LSAMP: variants seen among roughly 807,000 people sequenced by gnomAD.
LSAMP encodes limbic system associated membrane protein, also known as limbic system-associated membrane protein.
Under a neutral mutation model 38.6 loss-of-function variants are expected in LSAMP, and 7 were observed. The ratio of observed to expected loss-of-function variants is 0.18; its 90% CI spans 0.10 to 0.34. The LOEUF (loss-of-function observed/expected upper bound fraction) is 0.34. Among genes scored for constraint, LSAMP ranks in the 10% least tolerant of loss-of-function variants. The probability of loss-of-function intolerance (pLI) is 1.00; values close to 1 mark genes in which losing one functional copy is unlikely to be tolerated. For synonymous variants in LSAMP, 154 were observed against 166.8 expected, an observed-to-expected ratio of 0.92 and a Z score of 0.59; for missense variants, 313 against 420.0, an observed-to-expected ratio of 0.75 and a Z score of 2.23.
At chr3:116,212,386 A>C (rs1210711417) in intron 1 of LSAMP, among the ~76,000 whole-genome samples, 1 of 152,186 alleles carries the variant, frequency 6.6e-6, no homozygotes. Context: ...AGATCAGATT[A>C]AGTGGAAAAG....
At chr3:116,128,345 T>C (rs1173308648) in intron 1 of LSAMP, among the ~76,000 whole-genome samples, 1 of 152,218 alleles carries the variant, frequency 6.6e-6, no homozygotes, top group Admixed American at 6.5e-5. Context: ...ATAGAAGTAG[T>C]AATGGTATCT....
rs73143009 is a variant in LSAMP at position 116,266,173 on chromosome 3, C to A, written c.155+178704G>T. 8.7e-3 allele frequency among the ~76,000 whole-genome samples: 1,332 copies of A among 152,264 alleles called. 12 individuals are homozygous for A. Among genetic ancestry groups the A allele is most frequent in the Non-Finnish European group, 0.015 (993 of 68,028 alleles). ...CTCTTCCCTCCCTTTCTTCCCCACA[C>A]AAGGGGAAACTGCAGAGAAATACTA... On this transcript the variant is annotated intron_variant, in intron 1 of 6. Transcript: ENST00000490035.
chr3:116,229,172 T>A (rs148798636), intron 1 of LSAMP, among the ~76,000 whole-genome samples: 2 of 152,238 alleles, frequency 1.3e-5, no homozygotes, highest in East Asian at 3.9e-4. Context: ...AGTGTTATTC[T>A]ATGAAATTCA....
chr3:116,275,251 C>CTATGT (rs1363365990), intron 1 of LSAMP, among the ~76,000 whole-genome samples: 5 of 151,998 alleles, frequency 3.3e-5, no homozygotes, highest in African/African-American at 1.2e-4. Flanking sequence ...ACAGGTCTCA[C>CTATGT]TATGTTGTCC....
chr3:116,101,912 T>G (rs934914503), intron 1 of LSAMP, among the ~76,000 whole-genome samples: 1 of 152,018 alleles, frequency 6.6e-6, no homozygotes, highest in Non-Finnish European at 1.5e-5. Flanking sequence ...TATTTTTTAA[T>G]CCATACTCAA....
chr3:116,284,096 G>A (rs1022646363), intron 1 of LSAMP, among the ~76,000 whole-genome samples: 1 of 152,150 alleles, frequency 6.6e-6, no homozygotes, highest in Non-Finnish European at 1.5e-5. Flanking sequence ...GTCAGGAGGA[G>A]AAGACCAGGA....
At chr3:115,903,908 C>A (rs576793553) in intron 3 of LSAMP, among the ~76,000 whole-genome samples, 63 of 152,244 alleles carry the variant, frequency 4.1e-4, no homozygotes, top group African/African-American at 1.5e-3. Flanking sequence ...AAAATAAAGT[C>A]TTCCCTCCAA....
At position 116,141,717 on chromosome 3, in the gene LSAMP, A is replaced by G. The variant is rs147228749; in HGVS notation, c.156-55161T>C. The stretch of plus-strand genomic sequence containing the variant: ...AGAAATCACACTATTTTTCAATCTC[A>G]GATTCCCCAGGAAACAGCCTCAGAG... On this transcript the variant is annotated intron_variant, in intron 1 of 6. Transcript: ENST00000490035. Among the ~76,000 whole-genome samples the G allele has an allele frequency of 5.5e-3, 833 of 152,026 alleles. 2 individuals carry two copies. Among genetic ancestry groups the G allele is most frequent in the Admixed American group, 0.013 (200 of 15,226 alleles).
intron 1 of LSAMP, among the ~76,000 whole-genome samples, chr3:116,210,180 T>G (rs1388399595): frequency 6.6e-6 from 1 of 152,152 alleles, no homozygotes; most frequent in Non-Finnish European, 1.5e-5. Flanking sequence ...TGATGATGAT[T>G]TTGATGGTTA....
At chr3:116,289,373 T>G (rs1438469075) in intron 1 of LSAMP, among the ~76,000 whole-genome samples, 2 of 152,254 alleles carry the variant, frequency 1.3e-5, no homozygotes, top group African/African-American at 2.4e-5. Flanking sequence ...TTGCTTAATT[T>G]GTTTAAACAG....
chr3:115,991,010 A>T (rs965331059), intron 3 of LSAMP, among the ~76,000 whole-genome samples: 2 of 152,076 alleles, frequency 1.3e-5, no homozygotes, highest in Admixed American at 1.3e-4. Context: ...AAGACATCTC[A>T]GCATTTTATC....
At chr3:116,040,640 A>G (rs1941148628) in intron 2 of LSAMP, among the ~76,000 whole-genome samples, 1 of 152,260 alleles carries the variant, frequency 6.6e-6, no homozygotes, top group Admixed American at 6.5e-5. Flanking sequence ...CGTTTGGAAT[A>G]CCTTTGATGG....
intron 3 of LSAMP, among the ~76,000 whole-genome samples, chr3:116,017,526 T>C (rs923560141): frequency 2.0e-5 from 3 of 152,084 alleles, no homozygotes; most frequent in Non-Finnish European, 4.4e-5. Flanking sequence ...TGATCTGAAA[T>C]GGACTTGATC....
intron 1 of LSAMP, among the ~76,000 whole-genome samples, chr3:116,143,225 TA>T (rs1179648540): frequency 6.6e-6 from 1 of 151,812 alleles, no homozygotes; most frequent in African/African-American, 2.4e-5. Context: ...AAAAAATGAT[TA>T]AAAAAATTTT....
At chr3:115,970,744 C>T (rs1285969743) in intron 3 of LSAMP, among the ~76,000 whole-genome samples, 7 of 152,108 alleles carry the variant, frequency 4.6e-5, no homozygotes, top group Admixed American at 3.3e-4. Context: ...AAATGTGACA[C>T]TTCGTACTTG....
intron 1 of LSAMP, among the ~76,000 whole-genome samples, chr3:116,195,732 A>C (rs1710868910): frequency 6.7e-6 from 1 of 148,784 alleles, no homozygotes. Context: ...AAAAAAAAAC[A>C]TTTAAAGGAA....
At chr3:115,935,887 T>C (rs1937684096) in intron 3 of LSAMP, among the ~76,000 whole-genome samples, 1 of 152,194 alleles carries the variant, frequency 6.6e-6, no homozygotes, top group South Asian at 2.1e-4. Context: ...TGCCAATCTC[T>C]TCCCTTTCCT....
intron 3 of LSAMP, among the ~76,000 whole-genome samples, chr3:115,862,486 C>A (rs1267655356): frequency 6.6e-6 from 1 of 152,164 alleles, no homozygotes; most frequent in Non-Finnish European, 1.5e-5. Context: ...ACCCTAAAAT[C>A]CCAGATCTAC....
intron 1 of LSAMP, among the ~76,000 whole-genome samples, chr3:116,185,799 A>G (rs749263843): frequency 6.6e-6 from 1 of 151,172 alleles, no homozygotes; most frequent in Non-Finnish European, 1.5e-5. Context: ...GGAGAAAATT[A>G]TTTATCTAGC....
Sources: gnomAD v4.1 joint callset for allele counts (sites outside exome capture counted in the v4.1 genomes callset) on GRCh38, gnomAD v4.1.1 for gene constraint, MANE v1.5 for transcripts, NCBI Gene and HGNC (gene_info 2026-07-23, HGNC 2026-07-21) for gene names.